The following CLMP variants were observed in gnomAD, a reference collection of about 807,000 sequenced individuals.
CLMP encodes CXADR-like membrane protein.
In CLMP, 27 loss-of-function variants were observed where a neutral mutation model predicts 45.2. The observed-to-expected ratio is 0.60, with a 90% CI of 0.44 to 0.82. The LOEUF (loss-of-function observed/expected upper bound fraction) is 0.82, where lower values mean the gene tolerates loss of function less well. Among genes scored for constraint, CLMP ranks in the 40% least tolerant of loss-of-function variants. The pLI is 0.00. For missense variants in CLMP, 403 were observed against 448.4 expected, an observed-to-expected ratio of 0.90 and a Z score of 0.91; for synonymous variants, 167 against 171.4, an observed-to-expected ratio of 0.97 and a Z score of 0.20.
At chr11:123,114,072 T>G (rs1337338227) in intron 1 of CLMP, among the ~76,000 whole-genome samples, 1 of 152,208 alleles carries the variant, frequency 6.6e-6, no homozygotes, top group African/African-American at 2.4e-5. Flanking sequence ...TCGTTCCAAA[T>G]GTGAAGTCGC....
intron 5 of CLMP, among the ~76,000 whole-genome samples, chr11:123,081,027 T>G (rs1865798052): frequency 1.3e-5 from 2 of 151,892 alleles, no homozygotes; most frequent in Non-Finnish European, 2.9e-5. Flanking sequence ...ACACCTGTAG[T>G]CCCAGCTACT....
chr11:123,077,248 C>T (rs185594697), intron 5 of CLMP, among the ~76,000 whole-genome samples: 13 of 152,046 alleles, frequency 8.6e-5, no homozygotes, highest in African/African-American at 7.2e-5. Flanking sequence ...ATCTACCCCC[C>T]GCCTTGGCCT....
intron 1 of CLMP, among the ~76,000 whole-genome samples, chr11:123,181,110 C>T (rs1168448485): frequency 2.0e-5 from 3 of 152,168 alleles, no homozygotes; most frequent in East Asian, 1.9e-4. Context: ...TACCACACAG[C>T]GTGACCTCTA....
At chr11:123,135,267 A>AAAAAC (rs1861055095) in intron 1 of CLMP, among the ~76,000 whole-genome samples, 3 of 142,536 alleles carry the variant, frequency 2.1e-5, no homozygotes, top group Non-Finnish European at 4.6e-5. Context: ...CTCAAAAAAA[A>AAAAAC]AAAAAAAACC....
At chr11:123,187,279 G>A (rs2135551719) in intron 1 of CLMP, among the ~76,000 whole-genome samples, 1 of 152,350 alleles carries the variant, frequency 6.6e-6, no homozygotes, top group African/African-American at 2.4e-5. Context: ...GGTCTACATG[G>A]AAGCCGTGTG....
intron 1 of CLMP, among the ~76,000 whole-genome samples, chr11:123,142,727 C>T (rs1335145955): frequency 2.2e-5 from 3 of 135,554 alleles, no homozygotes; most frequent in African/African-American, 9.1e-5. Context: ...CCCGGGTTCA[C>T]GCCATTCTCC....
chr11:123,165,029 C>T (rs1861539029), intron 1 of CLMP, among the ~76,000 whole-genome samples: 1 of 152,270 alleles, frequency 6.6e-6, no homozygotes, highest in South Asian at 2.1e-4. Context: ...TGTAAAAACG[C>T]GATTTTGACA....
intron 1 of CLMP, among the ~76,000 whole-genome samples, chr11:123,123,796 A>C (rs1282289269): frequency 6.6e-6 from 1 of 152,194 alleles, no homozygotes; most frequent in African/African-American, 2.4e-5. Context: ...GCATGTGAAA[A>C]AATTAGCAAA....
chr11:123,102,268 T>C lies in CLMP; in HGVS notation c.29-4316A>G, dbSNP rs984029073. Among the ~76,000 whole-genome samples the C allele has an allele frequency of 8.0e-5, 12 of 149,950 alleles. No homozygotes were observed. In the Admixed American group the frequency reaches 8.1e-4, roughly 10 times the overall value. On this transcript the variant is annotated intron_variant, in intron 1 of 6. Coordinates refer to ENST00000448775, the MANE Select transcript of CLMP (RefSeq NM_024769.5). ...AGAACCTAAGATTGGCCCTTTGAGC[T>C]ATCTTTCCAGGTTTTTTTTTTTTTT...
At chr11:123,139,966 T>C (rs4936779) in intron 1 of CLMP, among the ~76,000 whole-genome samples, 3 of 152,190 alleles carry the variant, frequency 2.0e-5, no homozygotes, top group Admixed American at 2.0e-4. Flanking sequence ...CCAATTCATG[T>C]GAGTGTAAAT....
chr11:123,178,070 G>A (rs1306054798), intron 1 of CLMP, among the ~76,000 whole-genome samples: 1 of 152,010 alleles, frequency 6.6e-6, no homozygotes, highest in Non-Finnish European at 1.5e-5. Context: ...TCACCATGTT[G>A]GCCAGGCTGG....
intron 1 of CLMP, among the ~76,000 whole-genome samples, chr11:123,178,478 T>C (rs189785750): frequency 2.0e-5 from 3 of 152,354 alleles, no homozygotes; most frequent in East Asian, 1.9e-4. Flanking sequence ...CAGTCACTAA[T>C]TGAGTGCCAT....
intron 3 of CLMP, 113 bp from the exon 4 acceptor site, chr11:123,083,960 A>C (rs1865834352): frequency 8.1e-7 from 1 of 1,227,462 alleles, no homozygotes; most frequent in Non-Finnish European, 1.1e-6. Context: ...TGTTTTGGTC[A>C]ACTTTTGAGT....
intron 1 of CLMP, among the ~76,000 whole-genome samples, chr11:123,134,886 G>A (rs920002826): frequency 1.3e-5 from 2 of 152,046 alleles, no homozygotes; most frequent in African/African-American, 4.8e-5. Context: ...TGGCTTCATG[G>A]ATACCAGCTG....
chr11:123,156,195 TACA>T (rs1008161655), intron 1 of CLMP, among the ~76,000 whole-genome samples: 8 of 152,178 alleles, frequency 5.3e-5, no homozygotes, highest in African/African-American at 1.4e-4. Flanking sequence ...CGTGTGAGGA[TACA>T]ACAAGAAGGC....
chr11:123,165,032 T>C (rs545840831), intron 1 of CLMP, among the ~76,000 whole-genome samples: 11 of 152,312 alleles, frequency 7.2e-5, no homozygotes, highest in Admixed American at 5.9e-4. Flanking sequence ...AAAAACGCGA[T>C]TTTGACAGTA....
chr11:123,119,208 C>T (rs530908365), intron 1 of CLMP, among the ~76,000 whole-genome samples: 37 of 151,740 alleles, frequency 2.4e-4, no homozygotes, highest in South Asian at 6.3e-4. Context: ...CTCAGCCTCC[C>T]GAGTAGCTGG....
At chr11:123,171,736 G>A (rs570537314) in intron 1 of CLMP, among the ~76,000 whole-genome samples, 11 of 152,052 alleles carry the variant, frequency 7.2e-5, no homozygotes, top group African/African-American at 9.6e-5. Context: ...GAGCCACCGC[G>A]CTCGGCCTGT....
chr11:123,140,770 G>GTTGC (rs1481551668), intron 1 of CLMP, among the ~76,000 whole-genome samples: 1 of 152,100 alleles, frequency 6.6e-6, no homozygotes, highest in Non-Finnish European at 1.5e-5. Flanking sequence ...CTACATGCTA[G>GTTGC]TTGCACCTAT....
Sources: allele counts gnomAD v4.1 joint callset (sites outside exome capture counted in the v4.1 genomes callset), GRCh38; gene constraint gnomAD v4.1.1; transcripts MANE v1.5; gene names NCBI Gene and HGNC (gene_info 2026-07-23, HGNC 2026-07-21).